The following TMC5 variants were observed in gnomAD, a reference collection of about 807,000 sequenced individuals.
TMC5 encodes the protein transmembrane channel-like protein 5.
Under a neutral mutation model 110.5 loss-of-function variants are expected in TMC5, and 86 were observed. That is an observed-to-expected ratio of 0.78 (90% CI 0.65 to 0.93). The LOEUF is 0.93. TMC5 is among the 40% of genes least tolerant of loss of function. The pLI is 0.00. For missense variants in TMC5, 1,144 were observed against 1,222.8 expected (o/e 0.94, Z 0.96); for synonymous variants, 455 against 439.5 (o/e 1.04, Z -0.44).
intron 2 of TMC5, among the ~76,000 whole-genome samples, chr16:19,434,062 T>C (rs1466188925): frequency 4.8e-5 from 1 of 20,890 alleles, no homozygotes; most frequent in African/African-American, 4.1e-4. Context: ...ATAATATAAA[T>C]CTATATATAT....
rs1357185539 is a variant in TMC5 at position 19,495,224 on chromosome 16, C to T, written c.2931+858C>T. Among the ~76,000 whole-genome samples, 7 of 33,690 alleles carry T rather than the reference C, an allele frequency of 2.1e-4. 3 individuals are homozygous for T. Among genetic ancestry groups the T allele is most frequent in the African/African-American group, 4.5e-4 (7 of 15,418 alleles). The allele number at this position is 33,690 out of a possible 152,430, so 22.1% of individuals were successfully genotyped here. On this transcript the variant is annotated intron_variant, in intron 20 of 21. Coordinates refer to ENST00000542583, the MANE Select transcript of TMC5 (RefSeq NM_001261841.2). ...AGAGACGGGGTTTCACCGTTTTAGCCGGGATGGTCTCGATCTCCTGACCTC... is the reference window on the plus strand; with the variant it reads ...AGAGACGGGGTTTCACCGTTTTAGCTGGGATGGTCTCGATCTCCTGACCTC...
intron 20 of TMC5, among the ~76,000 whole-genome samples, chr16:19,494,642 A>G (rs1969003948): frequency 6.6e-6 from 1 of 152,094 alleles, no homozygotes; most frequent in Non-Finnish European, 1.5e-5. Flanking sequence ...CCCTGTCTCT[A>G]CTAAAAATAC....
chr16:19,494,113 T>C (rs1192621347), intron 19 of TMC5, 149 bp from the exon 20 acceptor site: 1 of 638,158 alleles, frequency 1.6e-6, no homozygotes, highest in Non-Finnish European at 2.8e-6. Context: ...TTCTTTTCTT[T>C]CACCAAAAGA....
intron 4 of TMC5, among the ~76,000 whole-genome samples, chr16:19,448,697 TA>T (rs1364551473): frequency 2.0e-5 from 1 of 49,962 alleles, no homozygotes; most frequent in East Asian, 3.5e-4. Context: ...ATAGATAATA[TA>T]TATATTTTAA....
At position 19,466,176 on chromosome 16, in the gene TMC5, C is replaced by T; in HGVS notation, c.1580C>T (p.Ala527Val). The T allele has an allele frequency of 6.2e-7, 1 of 1,614,150 alleles. No individual in the cohort carries two copies. Reference protein sequence around the residue: ...NSGASYNMQLAYIFTIGACLT... With the variant: ...NSGASYNMQLVYIFTIGACLT... ...GGGGCATCCTACAACATGCAGCTGG[C>T]CTACATCTTCACAATCGGAGCATGC... Residue 527 changes from alanine to valine, a missense_variant, in exon 9 of 22, where the codon GCC (alanine) becomes GTC (valine). Physicochemically the swap from Ala to Val is moderately conservative, Grantham distance 64. Transcript: ENST00000542583.
chr16:19,434,895 C>G (rs909594337), intron 2 of TMC5, among the ~76,000 whole-genome samples: 2 of 152,006 alleles, frequency 1.3e-5, no homozygotes, highest in African/African-American at 4.8e-5. Context: ...TGCCCAAGTC[C>G]ACACAGCCAG....
chr16:19,481,557 T>G, intron 15 of TMC5, 92 bp downstream of exon 15: 1 of 961,592 alleles, frequency 1.0e-6, no homozygotes, highest in Non-Finnish European at 1.7e-6. Flanking sequence ...CTGTTGTTTT[T>G]AAAGCTGCAG....
chr16:19,432,398 G>C (rs1967212614), intron 2 of TMC5, among the ~76,000 whole-genome samples: 1 of 41,096 alleles, frequency 2.4e-5, no homozygotes, highest in Non-Finnish European at 4.7e-5. Context: ...TTGAGGAGGT[G>C]CTAGAGAAAA....
At chr16:19,466,310 C>T (rs1384348682) in intron 9 of TMC5, 77 bp downstream of exon 9, 2 of 1,520,900 alleles carry the variant, frequency 1.3e-6, no homozygotes, top group Admixed American at 3.6e-5. Context: ...TCAAAAATTA[C>T]CCAGGTAACA....
At chr16:19,495,011 C>CTTTT (rs56178955) in intron 20 of TMC5, among the ~76,000 whole-genome samples, 1,956 of 40,428 alleles carry the variant, frequency 0.048, 528 homozygotes, top group African/African-American at 0.14. Context: ...AGTGTCTATT[C>CTTTT]TTTTTTTTTT....
chr16:19,456,800 C>G (rs1967885424), intron 5 of TMC5: 1 of 1,614,012 alleles, frequency 6.2e-7, no homozygotes, highest in Admixed American at 1.7e-5. Flanking sequence ...TCAGATTTTT[C>G]AAGAAAAGGT....
intron 21 of TMC5, 102 bp from the exon 22 acceptor site, chr16:19,497,818 G>C: frequency 1.0e-6 from 1 of 996,590 alleles, no homozygotes. Flanking sequence ...AGGCAAAGAA[G>C]GCATGAGAAG....
At chr16:19,416,169 A>G (rs1157922061), upstream of TMC5, among the ~76,000 whole-genome samples, 1 of 151,694 alleles carries the variant, frequency 6.6e-6, no homozygotes, top group Non-Finnish European at 1.5e-5. Context: ...TTGGTTGACA[A>G]AGCAAGAGCC....
chr16:19,468,859 G>A (rs1156697038), intron 9 of TMC5, among the ~76,000 whole-genome samples: 1 of 152,156 alleles, frequency 6.6e-6, no homozygotes, highest in Non-Finnish European at 1.5e-5. Flanking sequence ...GGGTGTGGTG[G>A]CATGTGCCTG....
chr16:19,444,670 C>T (rs1026689734), intron 4 of TMC5, among the ~76,000 whole-genome samples: 6 of 152,178 alleles, frequency 3.9e-5, no homozygotes, highest in African/African-American at 1.2e-4. Flanking sequence ...AACAAAACCA[C>T]ATTTTTTGTT....
intron 20 of TMC5, among the ~76,000 whole-genome samples, chr16:19,495,014 T>TCTA (rs1293819530): frequency 0.045 from 920 of 20,390 alleles, 127 homozygotes; most frequent in South Asian, 0.15. Context: ...GTCTATTCTT[T>TCTA]TTTTTTTTTT....
intron 10 of TMC5, 130 bp from the exon 11 acceptor site, chr16:19,471,958 A>T: frequency 1.2e-6 from 1 of 867,766 alleles, no homozygotes; most frequent in Non-Finnish European, 1.8e-6. Flanking sequence ...GCGGGGTTTC[A>T]CCATGTTGTC....
rs184263267 is a variant in TMC5 at position 19,475,743 on chromosome 16, A to G, written c.2090+1467A>G. The stretch of plus-strand genomic sequence containing the variant: ...CCTCGTGTTGCACTCTTCCTTGCAC[A>G]CCCCATTAAAAATAACAGCTCCCTA... On this transcript the variant is annotated intron_variant, in intron 12 of 21. Transcript: ENST00000542583. Among the ~76,000 whole-genome samples, 6 of 146,664 alleles carry G rather than the reference A, an allele frequency of 4.1e-5. 1 individual carries two copies. The Admixed American group carries it at 4.1e-4, about 10-fold the overall frequency.
intron 2 of TMC5, among the ~76,000 whole-genome samples, chr16:19,434,282 A>AAAATATATATATC (rs1967276711): frequency 1.6e-5 from 2 of 122,216 alleles, no homozygotes; most frequent in African/African-American, 3.1e-5. Flanking sequence ...ATAGATCTAT[A>AAAATATATATATC]TATAATATAT....
Sources: gnomAD v4.1 joint callset for allele counts (sites outside exome capture counted in the v4.1 genomes callset) on GRCh38, gnomAD v4.1.1 for gene constraint, MANE v1.5 for transcripts, NCBI Gene and HGNC (gene_info 2026-07-23, HGNC 2026-07-21) for gene names.